Variants in PLCB1 observed in about 807,000 individuals in gnomAD.
The protein encoded by PLCB1 is 1-phosphatidylinositol 4,5-bisphosphate phosphodiesterase beta-1.
Under a neutral mutation model 161.8 loss-of-function variants are expected in PLCB1, and 46 were observed. The observed-to-expected ratio is 0.28, with a 90% CI of 0.22 to 0.36. The LOEUF is 0.36. Ranked by LOEUF, PLCB1 falls within the 10% of genes least tolerant of loss-of-function variation. PLCB1 has a pLI of 1.00. For missense variants in PLCB1, 1,016 were observed against 1,472.5 expected, an observed-to-expected ratio of 0.69 and a Z score of 5.07; for synonymous variants, 517 against 503.7, an observed-to-expected ratio of 1.03 and a Z score of -0.35.
chr20:8,878,895 G>C (rs991856976), intron 31 of PLCB1, among the ~76,000 whole-genome samples: 1 of 152,024 alleles, frequency 6.6e-6, no homozygotes, highest in East Asian at 1.9e-4. Context: ...GGATACGAAT[G>C]ATCCTGTCAC....
chr20:8,836,022 A>T (rs554736467), intron 31 of PLCB1, among the ~76,000 whole-genome samples: 22 of 151,880 alleles, frequency 1.4e-4, no homozygotes, highest in Non-Finnish European at 2.5e-4. Flanking sequence ...CTAGTTGAGG[A>T]TGGTCTTACC....
intron 31 of PLCB1, among the ~76,000 whole-genome samples, chr20:8,795,435 A>T (rs1600333878): frequency 6.6e-6 from 1 of 152,212 alleles, no homozygotes; most frequent in East Asian, 1.9e-4. Flanking sequence ...CTTAGAAGGG[A>T]ATACTTGGCT....
chr20:8,468,797 C>T (rs1318144356), intron 3 of PLCB1, among the ~76,000 whole-genome samples: 1 of 152,158 alleles, frequency 6.6e-6, no homozygotes, highest in Non-Finnish European at 1.5e-5. Flanking sequence ...TTATTCACAA[C>T]AGTGCTATAA....
At chr20:8,431,438 G>A (rs550081035) in intron 3 of PLCB1, among the ~76,000 whole-genome samples, 4 of 152,014 alleles carry the variant, frequency 2.6e-5, no homozygotes, top group African/African-American at 7.3e-5. Context: ...GAATTCTTTC[G>A]GACAAAATGT....
Position 8,776,019 on chromosome 20 carries a change from C to CAAA in PLCB1, c.3111+1301_3111+1303dup, listed in dbSNP as rs200230607. ...ATTGCCTTGACAGACCTGAGCAAGT[C>CAAA]AAAGTAAATTTTAACGGGCAATAAT... On this transcript the variant is annotated intron_variant, in intron 27 of 31. Coordinates refer to ENST00000338037, the MANE Select transcript of PLCB1 (RefSeq NM_015192.4). Among the ~76,000 whole-genome samples the CAAA allele has an allele frequency of 4.8e-3, 732 of 152,258 alleles. 4 individuals are homozygous for CAAA. Among genetic ancestry groups the CAAA allele is most frequent in the African/African-American group, 0.017 (700 of 41,558 alleles).
intron 31 of PLCB1, among the ~76,000 whole-genome samples, chr20:8,876,390 C>G (rs1026813112): frequency 1.3e-5 from 2 of 152,154 alleles, no homozygotes; most frequent in Non-Finnish European, 2.9e-5. Context: ...CCTACAAAAT[C>G]ACATTTGTCT....
At chr20:8,164,086 A>G (rs867706868) in intron 2 of PLCB1, among the ~76,000 whole-genome samples, 1 of 152,230 alleles carries the variant, frequency 6.6e-6, no homozygotes, top group African/African-American at 2.4e-5. Flanking sequence ...TCTAAAGTGT[A>G]GGAGCCCTGA....
At chr20:8,579,926 G>A (rs138296227) in intron 3 of PLCB1, among the ~76,000 whole-genome samples, 1 of 152,290 alleles carries the variant, frequency 6.6e-6, no homozygotes, top group Non-Finnish European at 1.5e-5. Flanking sequence ...AATAGGCAAG[G>A]TAATGTAAGG....
intron 31 of PLCB1, among the ~76,000 whole-genome samples, chr20:8,836,126 T>G (rs900508388): frequency 6.6e-6 from 1 of 152,060 alleles, no homozygotes; most frequent in East Asian, 2.0e-4. Flanking sequence ...CAAAGCTTGC[T>G]CAAAAGCAGG....
chr20:8,439,099 T>C (rs1161825019), intron 3 of PLCB1, among the ~76,000 whole-genome samples: 1 of 152,242 alleles, frequency 6.6e-6, no homozygotes, highest in Non-Finnish European at 1.5e-5. Context: ...CCTACCTGTG[T>C]ATCCCTAGGG....
At chr20:8,295,544 A>G (rs747689196) in intron 2 of PLCB1, among the ~76,000 whole-genome samples, 16 of 152,114 alleles carry the variant, frequency 1.1e-4, no homozygotes, top group Non-Finnish European at 2.2e-4. Context: ...TATGGACCAA[A>G]TCTATGTTTG....
At chr20:8,681,637 C>T (rs1990224197) in intron 9 of PLCB1, among the ~76,000 whole-genome samples, 1 of 152,314 alleles carries the variant, frequency 6.6e-6, no homozygotes, top group East Asian at 1.9e-4. Flanking sequence ...CCAGTATGCA[C>T]ACTCATCCAG....
chr20:8,727,994 T>C (rs1288677892), intron 17 of PLCB1, among the ~76,000 whole-genome samples: 3 of 152,076 alleles, frequency 2.0e-5, no homozygotes, highest in African/African-American at 7.2e-5. Context: ...TAACAGTAAA[T>C]ATCACAAAGT....
intron 31 of PLCB1, among the ~76,000 whole-genome samples, chr20:8,813,553 G>A (rs1984935554): frequency 6.6e-6 from 1 of 152,154 alleles, no homozygotes. Context: ...ATGAGGGCCA[G>A]GCACGGTGGC....
chr20:8,805,628 T>A (rs1023529566), intron 31 of PLCB1, among the ~76,000 whole-genome samples: 2 of 152,220 alleles, frequency 1.3e-5, no homozygotes, highest in African/African-American at 4.8e-5. Context: ...TTAAAGCACA[T>A]AACATGTGTT....
intron 2 of PLCB1, among the ~76,000 whole-genome samples, chr20:8,196,147 G>T: frequency 6.6e-6 from 1 of 152,116 alleles, no homozygotes; most frequent in East Asian, 1.9e-4. Context: ...CTTGACACAT[G>T]GGGATTATGA....
At chr20:8,376,877 A>G (rs942294009) in intron 3 of PLCB1, among the ~76,000 whole-genome samples, 7 of 151,986 alleles carry the variant, frequency 4.6e-5, no homozygotes, top group Non-Finnish European at 7.4e-5. Flanking sequence ...GCAGTGAGCC[A>G]AGATCACACC....
In PLCB1 at chr20:8,519,971, TGTA is replaced by T. The variant is rs1407860663; in HGVS notation, c.247-108320_247-108318del. ...AGAAATTCTGACTCAGGCTACTTAA[TGTA>T]GTTTCTTTTTTAAAGCATGAATGCT... is the stretch of plus-strand genomic sequence containing the variant. On this transcript the variant is annotated intron_variant, in intron 3 of 31. Transcript: ENST00000338037. Among the ~76,000 whole-genome samples, 6 of 152,180 alleles carry T rather than the reference TGTA, an allele frequency of 3.9e-5. No individual in the cohort carries two copies. In the East Asian group the frequency reaches 1.2e-3, roughly 29 times the overall value.
At chr20:8,728,129 A>G (rs1980039004) in intron 17 of PLCB1, among the ~76,000 whole-genome samples, 1 of 152,118 alleles carries the variant, frequency 6.6e-6, no homozygotes, top group Non-Finnish European at 1.5e-5. Context: ...AGTATTCCTT[A>G]TTGACTGTGT....
Sources: allele counts gnomAD v4.1 joint callset (sites outside exome capture counted in the v4.1 genomes callset), GRCh38; gene constraint gnomAD v4.1.1; transcripts MANE v1.5; gene names NCBI Gene and HGNC (gene_info 2026-07-23, HGNC 2026-07-21).